Variants in TCF4 observed in about 807,000 individuals in gnomAD.
TCF4 encodes the protein SL3-3 enhancer factor 2.
Under a neutral mutation model 82.1 loss-of-function variants are expected in TCF4, and 3 were observed. That is an observed-to-expected ratio of 0.04 (90% confidence interval 0.02 to 0.09). The LOEUF is 0.09. Ranked by LOEUF, TCF4 falls within the 10% of genes least tolerant of loss-of-function variation. The pLI, the probability that TCF4 is intolerant of heterozygous loss-of-function variation, is 1.00. For synonymous variants in TCF4, 276 were observed against 309.6 expected, an observed-to-expected ratio of 0.89 and a Z score of 1.14; for missense variants, 518 against 852.7, an observed-to-expected ratio of 0.61 and a Z score of 4.89.
At chr18:55,247,166 C>T (rs2053537438) in intron 15 of TCF4, among the ~76,000 whole-genome samples, 1 of 152,190 alleles carries the variant, frequency 6.6e-6, no homozygotes, top group South Asian at 2.1e-4. Flanking sequence ...GGATAGAAGA[C>T]AGCACTCGTG....
chr18:55,330,447 G>A (rs949182830), intron 8 of TCF4, among the ~76,000 whole-genome samples: 1 of 151,698 alleles, frequency 6.6e-6, no homozygotes. Context: ...CAAAGTGCTG[G>A]GATTACAAGT....
rs2046091000 is a variant in TCF4 at position 55,223,156 on chromosome 18, A to G, written c.*4879T>C. 1 of 152,212 alleles carries G rather than the reference A, an allele frequency of 6.6e-6. No homozygotes were observed. Among genetic ancestry groups the G allele is most frequent in the South Asian group, 2.1e-4 (1 of 4,824 alleles). 9.4% of individuals were successfully genotyped at this position (152,212 alleles called of 1,614,324 possible). ...GTGCAGTTCAGAGCTCTTCAAATGC[A>G]TAGCTTCAGTGTTACACACACATTA... On this transcript the variant is annotated 3_prime_UTR_variant, in exon 20 of 20. Coordinates refer to ENST00000354452, the MANE Select transcript of TCF4 (RefSeq NM_001083962.2).
intron 9 of TCF4, 77 bp from the exon 10 acceptor site, chr18:55,275,829 T>C (rs2061412730): frequency 3.2e-6 from 5 of 1,549,760 alleles, no homozygotes; most frequent in Non-Finnish European, 4.5e-6. Context: ...TTCATATACT[T>C]GAAAATGACT....
chr18:55,445,451 G>A (rs976169128), intron 5 of TCF4, among the ~76,000 whole-genome samples: 4 of 152,120 alleles, frequency 2.6e-5, no homozygotes, highest in African/African-American at 4.8e-5. Flanking sequence ...GCAAAAGCAC[G>A]TCCTACATGG....
intron 5 of TCF4, among the ~76,000 whole-genome samples, chr18:55,426,278 G>C (rs1296253455): frequency 6.6e-6 from 1 of 152,020 alleles, no homozygotes; most frequent in East Asian, 1.9e-4. Context: ...CAAGACCCTA[G>C]GGAGGCAGAA....
chr18:55,252,403 G>T (rs1459900495), intron 15 of TCF4, among the ~76,000 whole-genome samples: 1 of 151,606 alleles, frequency 6.6e-6, no homozygotes, highest in African/African-American at 2.4e-5. Context: ...AAATTAAAGG[G>T]GTTTCTATGT....
chr18:55,580,012 T>C (rs191297249), intron 3 of TCF4, among the ~76,000 whole-genome samples: 150 of 152,174 alleles, frequency 9.9e-4, no homozygotes, highest in Non-Finnish European at 1.5e-3. Context: ...GCTGTTCATC[T>C]GTTATTTAAG....
chr18:55,506,932 G>A (rs1274913040), intron 3 of TCF4, among the ~76,000 whole-genome samples: 1 of 148,278 alleles, frequency 6.7e-6, no homozygotes, highest in African/African-American at 2.5e-5. Flanking sequence ...GCACAATCTT[G>A]GCTCACTGCA....
chr18:55,417,717 C>G (rs1177345564), intron 5 of TCF4, among the ~76,000 whole-genome samples: 1 of 152,026 alleles, frequency 6.6e-6, no homozygotes, highest in Non-Finnish European at 1.5e-5. Context: ...TCATTAGGGA[C>G]AACGTAATGT....
At chr18:55,264,792 T>C (rs2058758581) in intron 11 of TCF4, 1 of 152,168 alleles carries the variant, frequency 6.6e-6, no homozygotes, top group African/African-American at 2.4e-5. Flanking sequence ...TATCGATTTC[T>C]AATTTTGGCT....
intron 3 of TCF4, among the ~76,000 whole-genome samples, chr18:55,488,239 G>A (rs920361926): frequency 5.9e-5 from 9 of 152,152 alleles, no homozygotes; most frequent in African/African-American, 1.2e-4. Flanking sequence ...CCGTTTAAAT[G>A]TGACACACAT....
At chr18:55,315,645 T>C (rs995332586) in intron 8 of TCF4, among the ~76,000 whole-genome samples, 1 of 152,152 alleles carries the variant, frequency 6.6e-6, no homozygotes, top group African/African-American at 2.4e-5. Context: ...ATTGTTTTGC[T>C]TAATAAAATG....
chr18:55,360,853 G>A (rs780590842), intron 6 of TCF4, among the ~76,000 whole-genome samples: 3 of 150,372 alleles, frequency 2.0e-5, no homozygotes, highest in Admixed American at 6.6e-5. Context: ...TCAGCCTCCC[G>A]AGTAGCTGGG....
At chr18:55,234,361 T>C (rs1446565619) in intron 16 of TCF4, 187 bp downstream of exon 16, 8 of 758,326 alleles carry the variant, frequency 1.1e-5, no homozygotes, top group Admixed American at 1.0e-4. Flanking sequence ...AGGAAAACAG[T>C]CCCTGGAGAA....
Position 55,234,429 on chromosome 18 carries a change from C to T in TCF4, c.1486+119G>A, listed in dbSNP as rs965096418. 5 of 1,435,978 alleles carry T rather than the reference C, an allele frequency of 3.5e-6. No individual in the cohort carries two copies. In the South Asian group the frequency reaches 6.0e-5, roughly 17 times the overall value. 89.0% of individuals were successfully genotyped at this position (1,435,978 alleles called of 1,614,324 possible). On this transcript the variant is annotated intron_variant, in intron 16 of 19. Transcript: ENST00000354452. ...GCCATTTCCTTACCATTTTTGTGCC[C>T]AATTTGATTCCTGGGTTTCTGCCAG... is the stretch of plus-strand genomic sequence containing the variant.
chr18:55,401,400 A>C, intron 6 of TCF4: 1 of 1,081,524 alleles, frequency 9.2e-7, no homozygotes, highest in Non-Finnish European at 1.1e-6. Flanking sequence ...GAATCTCCAC[A>C]CTCCACGGCT....
chr18:55,476,594 C>T (rs2096294164), intron 3 of TCF4, among the ~76,000 whole-genome samples: 1 of 151,732 alleles, frequency 6.6e-6, no homozygotes, highest in African/African-American at 2.4e-5. Context: ...TCCCACCTCA[C>T]CCTCCTGAGT....
rs576454609 is a variant in TCF4 at position 55,599,256 on chromosome 18, A to G, written c.287-12120T>C. ...CATTTGTTCTCAGATATTTCCTTCCATGATCCAACTTCCCTCTTGCAGTTT... is the reference window on the plus strand; with the variant it reads ...CATTTGTTCTCAGATATTTCCTTCCGTGATCCAACTTCCCTCTTGCAGTTT... On this transcript the variant is annotated intron_variant, in intron 2 of 20. Coordinates refer to the TCF4 transcript ENST00000398339. 4.6e-5 allele frequency among the ~76,000 whole-genome samples: 7 copies of G among 152,310 alleles called. 1 individual carries two copies. The East Asian group carries it at 1.3e-3, about 29-fold the overall frequency.
intron 5 of TCF4, among the ~76,000 whole-genome samples, chr18:55,430,868 T>G (rs1174398155): frequency 6.6e-6 from 1 of 152,142 alleles, no homozygotes; most frequent in African/African-American, 2.4e-5. Context: ...AGGCCTGAAG[T>G]GGGTCCCAAC....
Sources: gnomAD v4.1 joint callset for allele counts (sites outside exome capture counted in the v4.1 genomes callset) on GRCh38, gnomAD v4.1.1 for gene constraint, MANE v1.5 for transcripts, NCBI Gene and HGNC (gene_info 2026-07-23, HGNC 2026-07-21) for gene names.